Variants in ITGBL1 observed in about 807,000 individuals in gnomAD.
ITGBL1 encodes integrin subunit beta like 1, also known as integrin beta-like protein 1.
Under a neutral mutation model 68.5 loss-of-function variants are expected in ITGBL1, and 51 were observed. The ratio of observed to expected loss-of-function variants is 0.74; its 90% confidence interval spans 0.59 to 0.94. The LOEUF is 0.94. ITGBL1 is among the 40% of genes least tolerant of loss of function. The pLI, the probability that ITGBL1 is intolerant of heterozygous loss-of-function variation, is 0.00. For synonymous variants in ITGBL1, 209 were observed against 227.3 expected (o/e 0.92, Z 0.72); for missense variants, 649 against 647.4 (o/e 1.00, Z -0.03).
intron 7 of ITGBL1, among the ~76,000 whole-genome samples, chr13:101,683,372 G>A (rs1023358988): frequency 1.3e-5 from 2 of 151,978 alleles, no homozygotes; most frequent in Non-Finnish European, 2.9e-5. Context: ...TCTACATTAT[G>A]TTCTTGAGAC....
intron 2 of ITGBL1, among the ~76,000 whole-genome samples, chr13:101,502,081 C>G (rs1304242141): frequency 6.6e-6 from 1 of 151,758 alleles, no homozygotes; most frequent in Admixed American, 6.6e-5. Context: ...AGCAGACACC[C>G]TAATTTAGGG....
intron 7 of ITGBL1, among the ~76,000 whole-genome samples, chr13:101,605,473 TG>T (rs2030734856): frequency 6.8e-6 from 1 of 147,588 alleles, no homozygotes; most frequent in African/African-American, 2.5e-5. Context: ...CATATGTATA[TG>T]CGTATATATA....
In ITGBL1 at chr13:101,527,430, A is replaced by G. The variant is rs533139602; in HGVS notation, c.317-40269A>G. Among the ~76,000 whole-genome samples the G allele has an allele frequency of 7.9e-5, 12 of 152,226 alleles. 1 individual carries two copies. The East Asian group carries it at 2.3e-3, about 29-fold the overall frequency. On this transcript the variant is annotated intron_variant, in intron 2 of 10. Transcript: ENST00000376180. The stretch of plus-strand genomic sequence containing the variant: ...TCCATGCTGTTGCATATAGTAGTAC[A>G]TGTATGGATATATCACTATTTCCTT...
chr13:101,531,152 CTG>C (rs1447433115), intron 2 of ITGBL1, among the ~76,000 whole-genome samples: 3 of 151,874 alleles, frequency 2.0e-5, no homozygotes, highest in East Asian at 1.9e-4. Flanking sequence ...TTAGTTGTAA[CTG>C]TTGATTTTAA....
chr13:101,582,602 A>G (rs556542036), intron 5 of ITGBL1, among the ~76,000 whole-genome samples: 1 of 152,144 alleles, frequency 6.6e-6, no homozygotes, highest in African/African-American at 2.4e-5. Flanking sequence ...GATCTAGCAA[A>G]CCTTACTTCT....
At chr13:101,487,454 AT>A (rs756662716) in intron 2 of ITGBL1, among the ~76,000 whole-genome samples, 1 of 152,248 alleles carries the variant, frequency 6.6e-6, no homozygotes, top group Non-Finnish European at 1.5e-5. Context: ...AATTTTTGAA[AT>A]CCTGGTAGCG....
chr13:101,571,866 A>T (rs867264578), intron 3 of ITGBL1, among the ~76,000 whole-genome samples: 1 of 152,114 alleles, frequency 6.6e-6, no homozygotes, highest in South Asian at 2.1e-4. Context: ...ACAGGACTGG[A>T]TTCTATGTAT....
Position 101,706,759 on chromosome 13 carries a change from A to G in ITGBL1, c.1136A>G (p.His379Arg). 1 of 1,613,930 alleles carries G rather than the reference A, an allele frequency of 6.2e-7. No homozygotes were observed. The highest frequency in any genetic ancestry group is 8.5e-7 in the Non-Finnish European group (1 of 1,179,876). Residue 379 changes from histidine (H) to arginine (R), a missense_variant, in exon 9 of 11, where the codon CAC becomes CGC. Transcript: ENST00000376180. ...EDLDGVVCGG[H>R]GTCSCGRCVC... The stretch of plus-strand genomic sequence containing the variant: ...CTTTCCTGTGGTTGCTTCACAGGCC[A>G]CGGCACATGTTCCTGTGGTCGCTGT...
intron 2 of ITGBL1, among the ~76,000 whole-genome samples, chr13:101,501,282 TCA>T (rs1209297585): frequency 2.0e-5 from 3 of 152,180 alleles, no homozygotes; most frequent in Admixed American, 2.0e-4. Context: ...ATTCCCTGAA[TCA>T]CACTCCTCTG....
At chr13:101,691,367 G>T (rs566224778) in intron 7 of ITGBL1, among the ~76,000 whole-genome samples, 231 of 152,260 alleles carry the variant, frequency 1.5e-3, no homozygotes, top group African/African-American at 5.1e-3. Flanking sequence ...CATTGCATTA[G>T]ATTATCTTTA....
rs1594011477 is a variant in ITGBL1, at chr13:101,716,026, T to C, written c.*372T>C. 2 of 177,554 alleles carry C rather than the reference T, an allele frequency of 1.1e-5. No individual in the cohort carries two copies. Among genetic ancestry groups the C allele is most frequent in the East Asian group, 3.0e-4 (2 of 6,580 alleles). The allele number at this position is 177,554 out of a possible 1,614,324, so 11.0% of individuals were successfully genotyped here. On this transcript the variant is annotated 3_prime_UTR_variant, in exon 11 of 11. Coordinates refer to ENST00000376180, the MANE Select transcript of ITGBL1 (RefSeq NM_004791.3). ...AGGGATGCTGCTGAGCATCCCGCAG[T>C]GTACAGGACAGCCCCCAAACAAGGA...
chr13:101,619,784 G>A (rs1433895295), intron 7 of ITGBL1, among the ~76,000 whole-genome samples: 1 of 152,058 alleles, frequency 6.6e-6, no homozygotes, highest in Non-Finnish European at 1.5e-5. Context: ...ATCTGAAAAA[G>A]AATTATGTAT....
chr13:101,612,242 T>TTGTACCA (rs760967069), intron 7 of ITGBL1, among the ~76,000 whole-genome samples: 6 of 152,166 alleles, frequency 3.9e-5, no homozygotes, highest in Non-Finnish European at 2.9e-5. Flanking sequence ...CATGGTACAG[T>TTGTACCA]TGTAAGCTGC....
At chr13:101,619,093 T>C (rs948788156) in intron 7 of ITGBL1, among the ~76,000 whole-genome samples, 3 of 152,122 alleles carry the variant, frequency 2.0e-5, no homozygotes, top group Admixed American at 6.6e-5. Flanking sequence ...TTGAGTATCA[T>C]TGATTACGTG....
chr13:101,504,676 T>G (rs969740880), intron 2 of ITGBL1, among the ~76,000 whole-genome samples: 1 of 152,202 alleles, frequency 6.6e-6, no homozygotes, highest in Non-Finnish European at 1.5e-5. Flanking sequence ...GTTGCATGAG[T>G]GTCTCTCCTT....
intron 4 of ITGBL1, 90 bp downstream of exon 4, chr13:101,575,636 C>T: frequency 7.9e-7 from 1 of 1,262,864 alleles, no homozygotes; most frequent in South Asian, 1.3e-5. Context: ...AGTTTCTGCT[C>T]TAGGTGTGCT....
At chr13:101,715,421 A>G (rs911134615) in intron 10 of ITGBL1, 142 bp from the exon 11 acceptor site, 8 of 685,334 alleles carry the variant, frequency 1.2e-5, no homozygotes, top group Non-Finnish European at 2.1e-5. Context: ...ATAAGATGTA[A>G]TAATAACATC....
At chr13:101,473,464 C>G (rs890412218) in intron 2 of ITGBL1, among the ~76,000 whole-genome samples, 1 of 152,198 alleles carries the variant, frequency 6.6e-6, no homozygotes, top group Non-Finnish European at 1.5e-5. Flanking sequence ...TTTTGATCAG[C>G]CCTAGCCAGA....
chr13:101,718,075 T>C (rs2034792801), downstream of ITGBL1: 1 of 152,142 alleles, frequency 6.6e-6, no homozygotes, highest in African/African-American at 2.4e-5. Context: ...GATGAAAATA[T>C]AGTCAGCTCT....
Sources: gnomAD v4.1 joint callset for allele counts (sites outside exome capture counted in the v4.1 genomes callset) on GRCh38, gnomAD v4.1.1 for gene constraint, MANE v1.5 for transcripts, NCBI Gene and HGNC (gene_info 2026-07-23, HGNC 2026-07-21) for gene names.